PARD3B: variants seen among roughly 807,000 people sequenced by gnomAD.
PARD3B encodes the protein par-3 family cell polarity regulator beta, also known as partitioning defective 3 homolog B.
PARD3B carries 103 observed loss-of-function variants against 130.2 expected under a neutral mutation model. The observed-to-expected ratio is 0.79, with a 90% CI of 0.67 to 0.93. The LOEUF (loss-of-function observed/expected upper bound fraction) is 0.93, where lower values mean the gene tolerates loss of function less well. PARD3B is among the 40% of genes least tolerant of loss of function. PARD3B has a pLI of 0.00. For synonymous variants in PARD3B, 583 were observed against 553.2 expected, an observed-to-expected ratio of 1.05 and a Z score of -0.76; for missense variants, 1,609 against 1,499.2, an observed-to-expected ratio of 1.07 and a Z score of -1.21.
At chr2:205,462,610 A>G (rs2048488047) in intron 20 of PARD3B, among the ~76,000 whole-genome samples, 1 of 152,142 alleles carries the variant, frequency 6.6e-6, no homozygotes, top group African/African-American at 2.4e-5. Context: ...ATAAACACTA[A>G]CACTTTTCCT....
intron 18 of PARD3B, among the ~76,000 whole-genome samples, chr2:205,340,410 A>G (rs1407905440): frequency 1.3e-5 from 2 of 152,162 alleles, no homozygotes; most frequent in Admixed American, 1.3e-4. Flanking sequence ...ATACACATAG[A>G]CCAATGGAAC....
chr2:205,197,032 G>T (rs60375963), intron 15 of PARD3B, among the ~76,000 whole-genome samples: 7,119 of 54,554 alleles, frequency 0.13, 234 homozygotes, highest in Non-Finnish European at 0.14. Flanking sequence ...GTGGGGGGGG[G>T]GTGTGTGTGT....
chr2:205,538,079 TAAG>T (rs758977880), intron 21 of PARD3B, among the ~76,000 whole-genome samples: 8 of 152,264 alleles, frequency 5.3e-5, no homozygotes, highest in Admixed American at 2.0e-4. Context: ...ATGTGTTAGA[TAAG>T]AAGTATTACA....
At chr2:205,552,463 C>T (rs904679246) in intron 21 of PARD3B, among the ~76,000 whole-genome samples, 15 of 152,124 alleles carry the variant, frequency 9.9e-5, no homozygotes, top group Admixed American at 5.9e-4. Context: ...AACTGGAGTG[C>T]AGTGGCGTGA....
intron 3 of PARD3B, among the ~76,000 whole-genome samples, chr2:204,985,750 T>C (rs1693079860): frequency 6.6e-6 from 1 of 151,588 alleles, no homozygotes. Context: ...CTGGTGAGGG[T>C]TGGGGTGATG....
chr2:204,869,154 T>C (rs757169151), intron 2 of PARD3B, among the ~76,000 whole-genome samples: 4 of 152,200 alleles, frequency 2.6e-5, no homozygotes, highest in East Asian at 1.9e-4. Flanking sequence ...GGAGGTATTA[T>C]ATGTATGATT....
At chr2:204,617,830 G>A (rs2034165609) in intron 1 of PARD3B, among the ~76,000 whole-genome samples, 1 of 152,148 alleles carries the variant, frequency 6.6e-6, no homozygotes, top group Non-Finnish European at 1.5e-5. Context: ...AGTTGCTTAG[G>A]ATAATGGCCT....
intron 22 of PARD3B, among the ~76,000 whole-genome samples, chr2:205,588,128 A>T (rs1395850329): frequency 6.6e-6 from 1 of 152,224 alleles, no homozygotes; most frequent in East Asian, 1.9e-4. Context: ...GGTGTCAGAA[A>T]AGACAGTTCT....
intron 3 of PARD3B, among the ~76,000 whole-genome samples, chr2:205,026,476 C>A (rs1008775837): frequency 1.3e-5 from 2 of 151,956 alleles, no homozygotes; most frequent in Non-Finnish European, 2.9e-5. Context: ...TACTTATTAC[C>A]ACAATCAAAT....
rs551807228 is a variant in PARD3B at position 205,360,686 on chromosome 2, C to G, written c.2631-40327C>G. Among the ~76,000 whole-genome samples the G allele has an allele frequency of 1.8e-3, 269 of 152,270 alleles. 3 individuals carry two copies. The highest frequency in any genetic ancestry group is 6.1e-3 in the African/African-American group (253 of 41,556). On this transcript the variant is annotated intron_variant, in intron 18 of 22. Coordinates refer to ENST00000406610, the MANE Select transcript of PARD3B (RefSeq NM_001302769.2). ...CGTGTCATGGCCAGGTGCATGGGCTCTGGGGCTGAACTGCCCAGGTCTGAA... is the reference window on the plus strand; with the variant it reads ...CGTGTCATGGCCAGGTGCATGGGCTGTGGGGCTGAACTGCCCAGGTCTGAA...
intron 2 of PARD3B, among the ~76,000 whole-genome samples, chr2:204,875,149 C>T (rs1335798426): frequency 1.3e-5 from 2 of 152,148 alleles, no homozygotes; most frequent in Admixed American, 1.3e-4. Context: ...GTATACAATT[C>T]AGTGGTTTCT....
chr2:205,411,530 C>T (rs150457250), intron 19 of PARD3B, among the ~76,000 whole-genome samples: 1 of 152,242 alleles, frequency 6.6e-6, no homozygotes, highest in East Asian at 1.9e-4. Context: ...GCAATATTTA[C>T]GAAGCACGCA....
At chr2:205,499,583 G>A (rs2050080435) in intron 20 of PARD3B, among the ~76,000 whole-genome samples, 1 of 152,078 alleles carries the variant, frequency 6.6e-6, no homozygotes, top group South Asian at 2.1e-4. Flanking sequence ...ACAAAACTCT[G>A]TGTGTGTGAT....
intron 3 of PARD3B, among the ~76,000 whole-genome samples, chr2:204,974,464 A>G (rs1444353467): frequency 6.6e-6 from 1 of 152,214 alleles, no homozygotes; most frequent in African/African-American, 2.4e-5. Context: ...ACTGTTGGAA[A>G]GAAAGTTGTT....
chr2:205,095,934 G>T (rs1702369390), intron 4 of PARD3B, among the ~76,000 whole-genome samples: 1 of 152,044 alleles, frequency 6.6e-6, no homozygotes, highest in South Asian at 2.1e-4. Context: ...TCCAAGAAAA[G>T]ATCATAGGAA....
At chr2:204,866,713 ATG>A (rs1012495413) in intron 2 of PARD3B, among the ~76,000 whole-genome samples, 4 of 151,736 alleles carry the variant, frequency 2.6e-5, no homozygotes, top group South Asian at 2.1e-4. Context: ...ATGTATGTAT[ATG>A]TGTGTGTGTG....
Position 204,965,181 on chromosome 2 carries a change from A to C in PARD3B, c.252A>C (p.Pro84=). The part of the protein sequence containing the change: ...KLIAVFEEQE[P]LHKIESPSGN... ...TTGCTGTGTTTGAAGAACAAGAACC[A>C]CTCCACAAGATTGAGAGCCCCAGTG... Residue 84 remains proline (P), a synonymous_variant, in exon 3 of 23, where the codon CCA becomes CCC. Coordinates refer to ENST00000406610, the MANE Select transcript of PARD3B (RefSeq NM_001302769.2). 2 of 1,613,658 alleles carry C rather than the reference A, an allele frequency of 1.2e-6. No homozygotes were observed. The highest frequency in any genetic ancestry group is 1.7e-6 in the Non-Finnish European group (2 of 1,179,804).
At chr2:205,001,582 G>A (rs1318132085) in intron 3 of PARD3B, among the ~76,000 whole-genome samples, 1 of 152,188 alleles carries the variant, frequency 6.6e-6, no homozygotes, top group Non-Finnish European at 1.5e-5. Context: ...TTCCTGGTTG[G>A]CACGTGAGAG....
intron 2 of PARD3B, among the ~76,000 whole-genome samples, chr2:204,817,382 A>G (rs2043184702): frequency 6.6e-6 from 1 of 151,900 alleles, no homozygotes; most frequent in Non-Finnish European, 1.5e-5. Context: ...TAATCCTTTT[A>G]GACCTTAATT....
Sources: allele counts gnomAD v4.1 joint callset (sites outside exome capture counted in the v4.1 genomes callset), GRCh38; gene constraint gnomAD v4.1.1; transcripts MANE v1.5; gene names NCBI Gene and HGNC (gene_info 2026-07-23, HGNC 2026-07-21).